The following MCC variants were observed in gnomAD, a reference collection of about 807,000 sequenced individuals.
The protein encoded by MCC is MCC regulator of Wnt signaling pathway, also known as colorectal mutant cancer protein.
A neutral mutation model predicts 116.2 loss-of-function variants in MCC; 90 were observed. The observed-to-expected ratio is 0.77, with a 90% CI of 0.65 to 0.92. The LOEUF (loss-of-function observed/expected upper bound fraction) is 0.92. Ranked by LOEUF, MCC falls within the 40% of genes least tolerant of loss-of-function variation. The pLI is 0.00. For missense variants in MCC, 1,516 were observed against 1,312.2 expected (o/e 1.16, Z -2.40); for synonymous variants, 578 against 510.5 (o/e 1.13, Z -1.78).
intron 11 of MCC, among the ~76,000 whole-genome samples, chr5:113,075,442 G>T (rs912186274): frequency 1.3e-5 from 2 of 152,218 alleles, no homozygotes; most frequent in Non-Finnish European, 2.9e-5. Context: ...CGGGACTGGC[G>T]GGCAGCTCCG....
At chr5:113,075,995 C>T (rs943598662) in intron 11 of MCC, among the ~76,000 whole-genome samples, 5 of 152,146 alleles carry the variant, frequency 3.3e-5, no homozygotes, top group South Asian at 2.1e-4. Flanking sequence ...AGCGAGACCA[C>T]AAACCCACCA....
chr5:113,472,017 CA>C (rs1386958638), intron 1 of MCC, among the ~76,000 whole-genome samples: 1 of 152,022 alleles, frequency 6.6e-6, no homozygotes, highest in East Asian at 1.9e-4. Context: ...TGGAAAAGTG[CA>C]GTATTAGGGT....
At position 113,255,529 on chromosome 5, in the gene MCC, C is replaced by T. The variant is rs545534527; in HGVS notation, c.627+84990G>A. Reference sequence around the variant, plus strand: ...TGAAACAAGGAATTGGTTTCCTATTCTGAATGAAGCCCAGTTTGATTTGGG... The same window carrying T: ...TGAAACAAGGAATTGGTTTCCTATTTTGAATGAAGCCCAGTTTGATTTGGG... On this transcript the variant is annotated intron_variant, in intron 3 of 18. Coordinates refer to ENST00000408903, the MANE Select transcript of MCC (RefSeq NM_001085377.2). 1.1e-4 allele frequency among the ~76,000 whole-genome samples: 16 copies of T among 152,272 alleles called. No homozygotes were observed. In the South Asian group the frequency reaches 3.3e-3, roughly 32 times the overall value.
chr5:113,416,968 C>T (rs1770168158), intron 1 of MCC, among the ~76,000 whole-genome samples: 2 of 135,862 alleles, frequency 1.5e-5, no homozygotes, highest in South Asian at 4.4e-4. Context: ...ATGTGAATTG[C>T]CTTTTTTTTT....
At chr5:113,157,576 G>T (rs1213681226) in intron 3 of MCC, among the ~76,000 whole-genome samples, 1 of 152,228 alleles carries the variant, frequency 6.6e-6, no homozygotes, top group African/African-American at 2.4e-5. Flanking sequence ...GCTTTGTTGG[G>T]AAGTGAGTTC....
intron 3 of MCC, among the ~76,000 whole-genome samples, chr5:113,260,370 C>T (rs1261724824): frequency 6.6e-6 from 1 of 152,004 alleles, no homozygotes; most frequent in Non-Finnish European, 1.5e-5. Flanking sequence ...CTTCAATGTC[C>T]TGCTTAATGG....
At chr5:113,372,238 A>G (rs1768853175) in intron 2 of MCC, among the ~76,000 whole-genome samples, 1 of 152,240 alleles carries the variant, frequency 6.6e-6, no homozygotes, top group African/African-American at 2.4e-5. Context: ...TGAAGTGATT[A>G]ATGCCATTAA....
At chr5:113,275,606 C>T (rs1765791591) in intron 3 of MCC, among the ~76,000 whole-genome samples, 1 of 152,102 alleles carries the variant, frequency 6.6e-6, no homozygotes, top group African/African-American at 2.4e-5. Context: ...TATAGCCCGC[C>T]CTCCATTTCC....
chr5:113,356,667 A>G (rs977398929), intron 2 of MCC, among the ~76,000 whole-genome samples: 3 of 152,164 alleles, frequency 2.0e-5, no homozygotes. Flanking sequence ...TCCCATCTTC[A>G]AAGTGCCACC....
intron 3 of MCC, among the ~76,000 whole-genome samples, chr5:113,287,666 C>T (rs955546606): frequency 6.6e-6 from 1 of 152,192 alleles, no homozygotes; most frequent in Admixed American, 6.5e-5. Flanking sequence ...CAGGTTTGAT[C>T]TTCCAATTGC....
intron 3 of MCC, among the ~76,000 whole-genome samples, chr5:113,210,292 C>G (rs1184780124): frequency 6.6e-6 from 1 of 152,154 alleles, no homozygotes; most frequent in African/African-American, 2.4e-5. Context: ...CTCTTCCTTC[C>G]CAATTCTCTC....
At position 113,396,590 on chromosome 5, in the gene MCC, C is replaced by T. The variant is rs557927375; in HGVS notation, c.171-11378G>A. ...TGCAGAGGCTGCAGTGAGTTGAGAT[C>T]GCGCCTCTGCACTCCAGCCTGGGTG... On this transcript the variant is annotated intron_variant, in intron 1 of 18. Coordinates refer to ENST00000408903, the MANE Select transcript of MCC (RefSeq NM_001085377.2). 6.6e-5 allele frequency among the ~76,000 whole-genome samples: 10 copies of T among 152,124 alleles called. 1 individual carries two copies. In the South Asian group the frequency reaches 1.5e-3, roughly 22 times the overall value.
chr5:113,069,600 G>A (rs904676631), intron 12 of MCC, among the ~76,000 whole-genome samples: 13 of 152,108 alleles, frequency 8.5e-5, no homozygotes, highest in Admixed American at 7.9e-4. Context: ...ACGGAGTCTC[G>A]CTCTGTCGCC....
At chr5:113,114,366 C>T (rs1480394664) in intron 6 of MCC, among the ~76,000 whole-genome samples, 3 of 152,224 alleles carry the variant, frequency 2.0e-5, no homozygotes, top group Admixed American at 2.0e-4. Flanking sequence ...AACTGGAGAG[C>T]TCTCCTGTAA....
intron 3 of MCC, among the ~76,000 whole-genome samples, chr5:113,306,332 A>C (rs765352729): frequency 2.9e-4 from 44 of 152,208 alleles, no homozygotes; most frequent in Non-Finnish European, 5.9e-4. Flanking sequence ...GAACTACCAA[A>C]TTACTATAAT....
intron 1 of MCC, among the ~76,000 whole-genome samples, chr5:113,440,717 G>T (rs966426436): frequency 5.3e-5 from 8 of 151,974 alleles, no homozygotes; most frequent in Non-Finnish European, 1.0e-4. Context: ...TAAGGGAACA[G>T]GTAAGAAACT....
chr5:113,138,872 T>C (rs569373343), intron 5 of MCC, among the ~76,000 whole-genome samples: 3 of 152,318 alleles, frequency 2.0e-5, no homozygotes, highest in Admixed American at 6.5e-5. Context: ...TGTGGCATGA[T>C]TGATACATCT....
intron 1 of MCC, among the ~76,000 whole-genome samples, chr5:113,424,666 T>C (rs1193562482): frequency 6.6e-6 from 1 of 152,090 alleles, no homozygotes; most frequent in Non-Finnish European, 1.5e-5. Flanking sequence ...TGAGCTGAGA[T>C]TGTGCCATTG....
intron 5 of MCC, among the ~76,000 whole-genome samples, chr5:113,131,546 T>G (rs1758427883): frequency 6.6e-6 from 1 of 152,104 alleles, no homozygotes; most frequent in Non-Finnish European, 1.5e-5. Context: ...GCACTGCATG[T>G]TTCAAGTAGA....
Sources: allele counts gnomAD v4.1 joint callset (sites outside exome capture counted in the v4.1 genomes callset), GRCh38; gene constraint gnomAD v4.1.1; transcripts MANE v1.5; gene names NCBI Gene and HGNC (gene_info 2026-07-23, HGNC 2026-07-21).